FSTL5: variants seen among roughly 807,000 people sequenced by gnomAD.
The protein encoded by FSTL5 is follistatin like 5, also known as follistatin-related protein 5.
FSTL5 carries 62 observed loss-of-function variants against 89.1 expected under a neutral mutation model. That is an observed-to-expected ratio of 0.70 (90% confidence interval 0.57 to 0.86). FSTL5 has a LOEUF of 0.86. Ranked by LOEUF, FSTL5 falls within the 40% of genes least tolerant of loss-of-function variation. The pLI is 0.00. For synonymous variants in FSTL5, 383 were observed against 346.2 expected (o/e 1.11, Z -1.18); for missense variants, 1,057 against 1,001.6 (o/e 1.06, Z -0.75).
intron 3 of FSTL5, among the ~76,000 whole-genome samples, chr4:161,936,129 G>A (rs1237960472): frequency 1.3e-5 from 2 of 152,138 alleles, no homozygotes; most frequent in African/African-American, 2.4e-5. Context: ...GCATTCAGCT[G>A]AGATCAACTA....
intron 15 of FSTL5, among the ~76,000 whole-genome samples, chr4:161,432,430 C>T (rs2126343664): frequency 6.6e-6 from 1 of 151,980 alleles, no homozygotes; most frequent in African/African-American, 2.4e-5. Flanking sequence ...ACACAACATA[C>T]CTAAATCCAC....
chr4:161,390,781 T>G (rs568882006), intron 15 of FSTL5, among the ~76,000 whole-genome samples: 1 of 152,106 alleles, frequency 6.6e-6, no homozygotes, highest in South Asian at 2.1e-4. Flanking sequence ...AGAATAACAA[T>G]TATTCTATCT....
intron 7 of FSTL5, among the ~76,000 whole-genome samples, chr4:161,652,428 T>C (rs781619163): frequency 1.3e-5 from 2 of 151,926 alleles, no homozygotes; most frequent in Non-Finnish European, 2.9e-5. Context: ...AACCAGACCA[T>C]CTATAGGACA....
intron 7 of FSTL5, among the ~76,000 whole-genome samples, chr4:161,611,233 T>TATATAC (rs1554002304): frequency 4.3e-4 from 3 of 6,918 alleles, no homozygotes; most frequent in East Asian, 3.2e-3. Flanking sequence ...TGTGTATACA[T>TATATAC]ATATATATAT....
At chr4:162,047,951 T>G (rs1481020941) in intron 2 of FSTL5, among the ~76,000 whole-genome samples, 3 of 152,042 alleles carry the variant, frequency 2.0e-5, no homozygotes, top group Non-Finnish European at 4.4e-5. Context: ...AGGTACATAG[T>G]AAAGGTTATC....
intron 12 of FSTL5, among the ~76,000 whole-genome samples, 168 bp downstream of exon 12, chr4:161,499,848 C>T (rs1195612133): frequency 1.3e-5 from 2 of 151,942 alleles, no homozygotes; most frequent in African/African-American, 2.4e-5. Context: ...ATATTATTTT[C>T]CTCCTCAGAT....
intron 8 of FSTL5, among the ~76,000 whole-genome samples, chr4:161,572,452 A>G (rs1733052819): frequency 6.6e-6 from 1 of 151,872 alleles, no homozygotes; most frequent in Non-Finnish European, 1.5e-5. Flanking sequence ...AAAAGCTTGC[A>G]CACCTTCCTT....
chr4:161,559,429 TC>T (rs1732509789), intron 8 of FSTL5, among the ~76,000 whole-genome samples: 1 of 151,842 alleles, frequency 6.6e-6, no homozygotes, highest in Non-Finnish European at 1.5e-5. Context: ...CTTTATCTCT[TC>T]ATTCATCCTC....
chr4:161,737,079 C>G (rs1158731149), intron 6 of FSTL5, among the ~76,000 whole-genome samples: 2 of 152,044 alleles, frequency 1.3e-5, no homozygotes, highest in Non-Finnish European at 2.9e-5. Context: ...CAAGGAAGGG[C>G]AGAGACCAGG....
At chr4:161,450,794 G>A (rs1429616332) in intron 15 of FSTL5, among the ~76,000 whole-genome samples, 2 of 143,950 alleles carry the variant, frequency 1.4e-5, no homozygotes, top group African/African-American at 5.2e-5. Flanking sequence ...CCAGACTAGA[G>A]TGCAGTGGCA....
At chr4:161,952,345 C>G (rs910669673) in intron 3 of FSTL5, among the ~76,000 whole-genome samples, 2 of 151,836 alleles carry the variant, frequency 1.3e-5, no homozygotes, top group Non-Finnish European at 2.9e-5. Flanking sequence ...AAAATCAGGA[C>G]AGGGGAAATA....
At chr4:161,594,219 G>A (rs1171576287) in intron 7 of FSTL5, among the ~76,000 whole-genome samples, 2 of 152,034 alleles carry the variant, frequency 1.3e-5, no homozygotes, top group African/African-American at 4.8e-5. Flanking sequence ...GATCACAACA[G>A]AGAATTCTTT....
chr4:161,588,371 C>T (rs1269544427), intron 7 of FSTL5, among the ~76,000 whole-genome samples: 1 of 151,882 alleles, frequency 6.6e-6, no homozygotes, highest in Non-Finnish European at 1.5e-5. Context: ...TCAGTGATAA[C>T]ATTTATAGCC....
chr4:161,937,149 CA>C (rs1463232786), intron 3 of FSTL5, among the ~76,000 whole-genome samples: 2 of 151,916 alleles, frequency 1.3e-5, no homozygotes, highest in Non-Finnish European at 2.9e-5. Context: ...ACTGTAAAAA[CA>C]CAACATAACA....
intron 15 of FSTL5, among the ~76,000 whole-genome samples, chr4:161,398,507 C>A (rs1173469417): frequency 6.6e-6 from 1 of 152,018 alleles, no homozygotes. Context: ...GAGCTATGAG[C>A]CCTTATAAAA....
chr4:161,542,481 A>T, intron 9 of FSTL5, 51 bp downstream of exon 9: 1 of 1,194,480 alleles, frequency 8.4e-7, no homozygotes, highest in Non-Finnish European at 1.1e-6. Flanking sequence ...AAATTTTAGT[A>T]TAAATTTTCA....
intron 15 of FSTL5, among the ~76,000 whole-genome samples, chr4:161,420,307 A>G (rs1259119134): frequency 6.6e-6 from 1 of 152,232 alleles, no homozygotes; most frequent in African/African-American, 2.4e-5. Flanking sequence ...CGGCCATGTG[A>G]CCAGTTACAA....
chr4:161,717,183 G>T (rs915923170), intron 6 of FSTL5, among the ~76,000 whole-genome samples: 2 of 152,056 alleles, frequency 1.3e-5, no homozygotes, highest in Non-Finnish European at 1.5e-5. Context: ...AAAGATAAAC[G>T]GTCTTTTTAT....
At position 161,586,799 on chromosome 4, in the gene FSTL5, C is replaced by A. The variant is rs543128099; in HGVS notation, c.1015+656G>T. On this transcript the variant is annotated intron_variant, in intron 8 of 15. Coordinates refer to ENST00000306100, the MANE Select transcript of FSTL5 (RefSeq NM_020116.5). ...CTCCTCTAAATTCATGCCCATCACA[C>A]TAGCCATCTTGCTGTTCCTACAGAA... Among the ~76,000 whole-genome samples, 280 of 152,292 alleles carry A rather than the reference C, an allele frequency of 1.8e-3. 3 individuals carry two copies. The highest frequency in any genetic ancestry group is 6.7e-3 in the African/African-American group (278 of 41,582).
Sources: allele counts gnomAD v4.1 joint callset (sites outside exome capture counted in the v4.1 genomes callset), GRCh38; gene constraint gnomAD v4.1.1; transcripts MANE v1.5; gene names NCBI Gene and HGNC (gene_info 2026-07-23, HGNC 2026-07-21).